DNM3: variants seen among roughly 807,000 people sequenced by gnomAD.
DNM3 encodes dynamin-3.
A neutral mutation model predicts 101.6 loss-of-function variants in DNM3; 47 were observed. The observed-to-expected ratio is 0.46, with a 90% CI of 0.37 to 0.59. The LOEUF (loss-of-function observed/expected upper bound fraction) is 0.59. Among genes scored for constraint, DNM3 ranks in the 20% least tolerant of loss-of-function variants. DNM3 has a pLI of 0.00. For synonymous variants in DNM3, 385 were observed against 387.9 expected (o/e 0.99, Z 0.09); for missense variants, 849 against 1,085.7 (o/e 0.78, Z 3.06).
chr1:172,081,764 A>G, intron 11 of DNM3, 68 bp from the exon 12 acceptor site: 2 of 1,268,282 alleles, frequency 1.6e-6, no homozygotes. Flanking sequence ...TTTGTGGGCA[A>G]TTACTGAATT....
chr1:172,228,266 A>C (rs1170193606), intron 14 of DNM3, among the ~76,000 whole-genome samples: 2 of 151,406 alleles, frequency 1.3e-5, no homozygotes, highest in Non-Finnish European at 2.9e-5. Context: ...TGGGGCTTTG[A>C]GATTTGACCT....
At chr1:172,193,389 A>G (rs1364781935) in intron 14 of DNM3, among the ~76,000 whole-genome samples, 4 of 152,130 alleles carry the variant, frequency 2.6e-5, no homozygotes, top group African/African-American at 9.7e-5. Flanking sequence ...TGCATTAGGG[A>G]GGATTCCCTC....
intron 2 of DNM3, among the ~76,000 whole-genome samples, chr1:171,967,658 G>A (rs754974769): frequency 1.3e-5 from 2 of 152,134 alleles, no homozygotes; most frequent in African/African-American, 2.4e-5. Flanking sequence ...ATTGGGAATC[G>A]TCACCAAGTC....
intron 16 of DNM3, among the ~76,000 whole-genome samples, chr1:172,320,116 G>A (rs2065625849): frequency 6.6e-6 from 1 of 150,968 alleles, no homozygotes; most frequent in Non-Finnish European, 1.5e-5. Context: ...ACCATTCTCA[G>A]TAAACTATCG....
At chr1:171,850,199 A>G (rs1313802937) in intron 1 of DNM3, among the ~76,000 whole-genome samples, 1 of 152,220 alleles carries the variant, frequency 6.6e-6, no homozygotes, top group Non-Finnish European at 1.5e-5. Context: ...AAGAAGTACC[A>G]ACATTTTTGT....
intron 1 of DNM3, among the ~76,000 whole-genome samples, chr1:171,863,301 A>G (rs1257712690): frequency 2.0e-5 from 3 of 152,058 alleles, no homozygotes; most frequent in African/African-American, 7.2e-5. Context: ...ACTGAAAGGT[A>G]AAGAAGCTGG....
At chr1:172,046,969 A>G (rs2819525) in intron 9 of DNM3, among the ~76,000 whole-genome samples, 107,915 of 152,044 alleles carry the variant, frequency 0.71, 39,834 homozygotes, top group African/African-American at 0.92. Context: ...CAGAATTGTC[A>G]ATTTCTGATT....
chr1:172,245,672 A>G (rs2061923488), intron 14 of DNM3, among the ~76,000 whole-genome samples: 1 of 152,216 alleles, frequency 6.6e-6, no homozygotes. Context: ...ACAGGGAGCT[A>G]GATAGAGCTG....
chr1:171,882,354 A>AAAAC (rs2036346377), intron 1 of DNM3, among the ~76,000 whole-genome samples: 2 of 151,488 alleles, frequency 1.3e-5, no homozygotes, highest in Admixed American at 1.3e-4. Flanking sequence ...AAAAAAAAAA[A>AAAAC]AAAAGCCCTT....
chr1:171,919,038 A>G (rs1210857884), intron 1 of DNM3, among the ~76,000 whole-genome samples: 2 of 152,106 alleles, frequency 1.3e-5, no homozygotes, highest in South Asian at 4.1e-4. Flanking sequence ...GTTAAATGGC[A>G]TTATTCAGGC....
At chr1:172,099,945 T>A (rs2054519518) in intron 13 of DNM3, among the ~76,000 whole-genome samples, 3 of 152,240 alleles carry the variant, frequency 2.0e-5, no homozygotes, top group Non-Finnish European at 4.4e-5. Context: ...GGCATTTACA[T>A]GACTGATAAT....
At chr1:171,974,573 G>T (rs1263454729) in intron 2 of DNM3, among the ~76,000 whole-genome samples, 4 of 152,108 alleles carry the variant, frequency 2.6e-5, no homozygotes, top group African/African-American at 9.7e-5. Context: ...ATAATACAAA[G>T]TTTTGGATCC....
intron 15 of DNM3, among the ~76,000 whole-genome samples, chr1:172,286,816 T>A (rs1008943053): frequency 2.0e-5 from 3 of 152,184 alleles, no homozygotes; most frequent in Non-Finnish European, 2.9e-5. Flanking sequence ...TTAAAATTGT[T>A]GCTGTTGCTG....
chr1:172,413,092 G>A (rs1407502736), downstream of DNM3, among the ~76,000 whole-genome samples: 1 of 152,188 alleles, frequency 6.6e-6, no homozygotes, highest in African/African-American at 2.4e-5. Flanking sequence ...AGGAAAGATG[G>A]TGTGCCCAAA....
chr1:172,233,672 C>T (rs2061425328), intron 14 of DNM3, among the ~76,000 whole-genome samples: 1 of 152,134 alleles, frequency 6.6e-6, no homozygotes, highest in African/African-American at 2.4e-5. Context: ...TCCAGCAACA[C>T]ATCAAAAAGC....
intron 15 of DNM3, among the ~76,000 whole-genome samples, chr1:172,276,557 A>ATGTG (rs60837783): frequency 0.014 from 1,984 of 144,340 alleles, 46 homozygotes; most frequent in African/African-American, 0.047. Flanking sequence ...AAAAATCTTA[A>ATGTG]TGTGTGTGTG....
chr1:172,317,867 G>T (rs1405465709), intron 16 of DNM3, among the ~76,000 whole-genome samples: 1 of 152,140 alleles, frequency 6.6e-6, no homozygotes, highest in Non-Finnish European at 1.5e-5. Context: ...GAAAAAGAGG[G>T]AATCCTCCCT....
At chr1:172,417,792 A>G (rs1482394847) in intron 20 of DNM3, among the ~76,000 whole-genome samples, 1 of 152,068 alleles carries the variant, frequency 6.6e-6, no homozygotes. Flanking sequence ...CTTCTAATTT[A>G]CCTCACTTAA....
At chr1:172,370,169 TA>T (rs2068250139) in intron 17 of DNM3, 1 of 151,926 alleles carries the variant, frequency 6.6e-6, no homozygotes. Flanking sequence ...CCTATTTGGT[TA>T]AAAAAGGCAG....
Sources: gnomAD v4.1 joint callset for allele counts (sites outside exome capture counted in the v4.1 genomes callset) on GRCh38, gnomAD v4.1.1 for gene constraint, MANE v1.5 for transcripts, NCBI Gene and HGNC (gene_info 2026-07-23, HGNC 2026-07-21) for gene names.